The following SH3BGRL2 variants were observed in gnomAD, a reference collection of about 807,000 sequenced individuals.
SH3BGRL2 encodes the protein SH3 domain-binding glutamic acid-rich-like protein 2.
In SH3BGRL2, 21 loss-of-function variants were observed where a neutral mutation model predicts 14.8. That is an observed-to-expected ratio of 1.42 (90% CI 1.01 to 2.05). The LOEUF (loss-of-function observed/expected upper bound fraction) is 2.05, where lower values mean the gene tolerates loss of function less well. SH3BGRL2 is among the 30% of genes most tolerant of loss of function. SH3BGRL2 has a pLI of 0.00. For synonymous variants in SH3BGRL2, 50 were observed against 47.8 expected, an observed-to-expected ratio of 1.05 and a Z score of -0.19; for missense variants, 147 against 130.8, an observed-to-expected ratio of 1.12 and a Z score of -0.61.
the SH3BGRL2 span, among the ~76,000 whole-genome samples, chr6:79,600,275 CTT>C: frequency 6.6e-6 from 1 of 152,162 alleles, no homozygotes; most frequent in African/African-American, 2.4e-5. Flanking sequence ...CTACAACTGT[CTT>C]TTAAAATTTT....
intron 1 of SH3BGRL2, among the ~76,000 whole-genome samples, chr6:79,634,635 G>T (rs564551071): frequency 5.3e-5 from 8 of 152,072 alleles, no homozygotes; most frequent in Non-Finnish European, 1.0e-4. Context: ...TCTGCTGCTT[G>T]CCTAGCTCTG....
chr6:79,568,867 A>C, the SH3BGRL2 span, among the ~76,000 whole-genome samples: 1 of 151,992 alleles, frequency 6.6e-6, no homozygotes, highest in Non-Finnish European at 1.5e-5. Flanking sequence ...TTATATTCTT[A>C]GTATGTATGA....
intron 1 of SH3BGRL2, among the ~76,000 whole-genome samples, chr6:79,635,285 C>T (rs896918431): frequency 1.3e-5 from 2 of 152,196 alleles, no homozygotes; most frequent in Non-Finnish European, 2.9e-5. Flanking sequence ...TGAAGCCCAA[C>T]CACCTAATTT....
At chr6:79,597,732 G>T in the SH3BGRL2 span, among the ~76,000 whole-genome samples, 2 of 152,230 alleles carry the variant, frequency 1.3e-5, no homozygotes, top group South Asian at 2.1e-4. Flanking sequence ...ACACCAAAAA[G>T]ACAAGCACCA....
chr6:79,652,679 G>A (rs1769319287), intron 1 of SH3BGRL2, among the ~76,000 whole-genome samples: 1 of 151,998 alleles, frequency 6.6e-6, no homozygotes, highest in African/African-American at 2.4e-5. Flanking sequence ...TCCATGCAGA[G>A]GAGAATAGAC....
chr6:79,554,620 A>G, the SH3BGRL2 span, among the ~76,000 whole-genome samples: 2 of 152,334 alleles, frequency 1.3e-5, no homozygotes, highest in Admixed American at 1.3e-4. Flanking sequence ...TAGCTTTCAT[A>G]TTGCAGTTCA....
chr6:79,673,788 C>A lies in SH3BGRL2; in HGVS notation c.220C>A (p.Arg74=). 6.2e-7 allele frequency: 1 copy of A among 1,613,608 alleles called. No homozygotes were observed. The highest frequency in any genetic ancestry group is 1.1e-5 in the South Asian group (1 of 91,010). The change falls in exon 2 of 4, where the codon CGA becomes AGA. Residue 74 remains arginine (R), a synonymous_variant. Coordinates refer to ENST00000369838, the MANE Select transcript of SH3BGRL2 (RefSeq NM_031469.4). The part of the protein sequence containing the change: ...PLPPQIFNGD[R]YCGDYDSFFE... ...GCCACCTCAGATATTTAATGGCGAC[C>A]GATACTGTGGAGTAAGTGGCTAGAC...
chr6:79,601,577 C>A, the SH3BGRL2 span, among the ~76,000 whole-genome samples: 1 of 152,174 alleles, frequency 6.6e-6, no homozygotes, highest in Non-Finnish European at 1.5e-5. Flanking sequence ...GTGTATTTCA[C>A]CCTTTAAAAC....
chr6:79,679,995 A>C (rs76206866), intron 2 of SH3BGRL2, among the ~76,000 whole-genome samples: 2 of 152,134 alleles, frequency 1.3e-5, no homozygotes, highest in South Asian at 4.1e-4. Context: ...CTTATCAGCT[A>C]TCTGATTGGC....
the SH3BGRL2 span, among the ~76,000 whole-genome samples, chr6:79,562,305 T>C: frequency 6.6e-6 from 1 of 152,216 alleles, no homozygotes; most frequent in African/African-American, 2.4e-5. Context: ...TATTACAAGA[T>C]AGTTATGAGT....
chr6:79,578,872 C>G, the SH3BGRL2 span, among the ~76,000 whole-genome samples: 16,240 of 152,180 alleles, frequency 0.11, 977 homozygotes, highest in Non-Finnish European at 0.13. Flanking sequence ...GGAGGATGTT[C>G]AAACCCATTG....
the SH3BGRL2 span, among the ~76,000 whole-genome samples, chr6:79,622,598 C>G: frequency 6.6e-6 from 1 of 152,156 alleles, no homozygotes; most frequent in Non-Finnish European, 1.5e-5. Context: ...TTCACCCCAT[C>G]CCCCAACACA....
chr6:79,607,347 C>G, the SH3BGRL2 span, among the ~76,000 whole-genome samples: 1 of 152,172 alleles, frequency 6.6e-6, no homozygotes. Flanking sequence ...AAATGCACAG[C>G]TGGGGAAACC....
At chr6:79,599,953 T>G in the SH3BGRL2 span, among the ~76,000 whole-genome samples, 2 of 152,196 alleles carry the variant, frequency 1.3e-5, no homozygotes, top group Non-Finnish European at 2.9e-5. Context: ...CTGGTGGGGC[T>G]GAGGAGAAAG....
chr6:79,537,817 A>C, the SH3BGRL2 span, among the ~76,000 whole-genome samples: 1 of 152,140 alleles, frequency 6.6e-6, no homozygotes, highest in Non-Finnish European at 1.5e-5. Flanking sequence ...AATTGTAAAC[A>C]AATTACAAAC....
At chr6:79,675,571 T>C (rs1342422734) in intron 2 of SH3BGRL2, among the ~76,000 whole-genome samples, 1 of 152,130 alleles carries the variant, frequency 6.6e-6, no homozygotes, top group Admixed American at 6.6e-5. Context: ...GTTCCCTTTC[T>C]CTTGAGTGCC....
At chr6:79,680,069 A>G (rs1769960179) in intron 2 of SH3BGRL2, among the ~76,000 whole-genome samples, 2 of 152,156 alleles carry the variant, frequency 1.3e-5, no homozygotes, top group Non-Finnish European at 2.9e-5. Flanking sequence ...TTGATGAACA[A>G]AAGGTTTTAA....
chr6:79,607,177 T>C, the SH3BGRL2 span, among the ~76,000 whole-genome samples: 1 of 152,364 alleles, frequency 6.6e-6, no homozygotes, highest in South Asian at 2.1e-4. Context: ...TTGGTTCAGC[T>C]GGTCCTACAA....
chr6:79,580,979 T>A, the SH3BGRL2 span, among the ~76,000 whole-genome samples: 2 of 152,222 alleles, frequency 1.3e-5, no homozygotes, highest in East Asian at 3.9e-4. Flanking sequence ...CCCACAGAAA[T>A]ACAAGCTACC....
Sources: gnomAD v4.1 joint callset for allele counts (sites outside exome capture counted in the v4.1 genomes callset) on GRCh38, gnomAD v4.1.1 for gene constraint, MANE v1.5 for transcripts, NCBI Gene and HGNC (gene_info 2026-07-23, HGNC 2026-07-21) for gene names.